Variants in PACRG observed in about 807,000 individuals in gnomAD.
PACRG encodes the protein parkin coregulated gene protein.
In PACRG, 29 loss-of-function variants were observed where a neutral mutation model predicts 29.7. That is an observed-to-expected ratio of 0.98 (90% confidence interval 0.73 to 1.33). PACRG has a LOEUF of 1.33. Ranked by LOEUF, PACRG falls within the 40% of genes most tolerant of loss-of-function variation. The pLI is 0.00. For missense variants in PACRG, 279 were observed against 316.2 expected, an observed-to-expected ratio of 0.88 and a Z score of 0.89; for synonymous variants, 116 against 118.7, an observed-to-expected ratio of 0.98 and a Z score of 0.15.
At chr6:163,114,978 C>T (rs1302942297) in intron 4 of PACRG, among the ~76,000 whole-genome samples, 1 of 151,874 alleles carries the variant, frequency 6.6e-6, no homozygotes, top group African/African-American at 2.4e-5. Context: ...TAAGTATATA[C>T]AATTTTTATT....
chr6:163,202,137 G>C (rs6922278), intron 4 of PACRG, among the ~76,000 whole-genome samples: 64,204 of 152,014 alleles, frequency 0.42, 15,590 homozygotes, highest in African/African-American at 0.67. Context: ...GTCCTGTCCC[G>C]GCCGGCTGCT....
intron 1 of PACRG, among the ~76,000 whole-genome samples, chr6:162,779,627 G>A (rs932325097): frequency 3.3e-5 from 5 of 152,162 alleles, no homozygotes; most frequent in Non-Finnish European, 7.4e-5. Flanking sequence ...ATGAGTCTTG[G>A]AGCTTGGAGG....
At chr6:163,228,909 C>T (rs1781913395) in intron 4 of PACRG, among the ~76,000 whole-genome samples, 1 of 152,266 alleles carries the variant, frequency 6.6e-6, no homozygotes, top group East Asian at 1.9e-4. Context: ...TGAAAATAAT[C>T]TTTCCAAATG....
At chr6:163,105,764 G>C (rs1445145316) in intron 4 of PACRG, among the ~76,000 whole-genome samples, 1 of 152,098 alleles carries the variant, frequency 6.6e-6, no homozygotes, top group African/African-American at 2.4e-5. Flanking sequence ...TGTGACTTTA[G>C]TCAAATCAGT....
intron 1 of PACRG, among the ~76,000 whole-genome samples, chr6:162,809,658 G>T (rs1023804008): frequency 1.4e-4 from 21 of 152,110 alleles, no homozygotes; most frequent in African/African-American, 4.8e-4. Context: ...AAGAGAAATT[G>T]ATTTTTTGAG....
chr6:163,157,624 A>C (rs749127040), intron 4 of PACRG, among the ~76,000 whole-genome samples: 2 of 152,202 alleles, frequency 1.3e-5, no homozygotes, highest in African/African-American at 2.4e-5. Flanking sequence ...GCTTGCTCTC[A>C]CACTAATATA....
chr6:163,265,464 G>C (rs1783496828), intron 4 of PACRG, among the ~76,000 whole-genome samples: 1 of 152,164 alleles, frequency 6.6e-6, no homozygotes, highest in African/African-American at 2.4e-5. Context: ...GGTAAATACA[G>C]TCTTCAAGCA....
intron 2 of PACRG, among the ~76,000 whole-genome samples, chr6:163,046,975 A>G (rs755408566): frequency 6.6e-5 from 10 of 152,242 alleles, no homozygotes; most frequent in African/African-American, 1.2e-4. Flanking sequence ...ATTTCTTCTT[A>G]AAATTGCCTC....
chr6:163,177,710 ATT>A lies in PACRG; in HGVS notation c.613+88328_613+88329del, dbSNP rs398003265. Among the ~76,000 whole-genome samples, 270 of 53,732 alleles carry A rather than the reference ATT, an allele frequency of 5.0e-3. 3 individuals carry two copies. Among genetic ancestry groups the A allele is most frequent in the South Asian group, 8.4e-3 (7 of 834 alleles). 35.3% of individuals were successfully genotyped at this position (53,732 alleles called of 152,430 possible). On this transcript the variant is annotated intron_variant, in intron 4 of 4. Transcript: ENST00000366888. Reference sequence around the variant, plus strand: ...TGTTAGCTAAGAAATTAGAAAAGGGATTTTTTTTTTTTTTTTTTTTTTTTTTT... The same window carrying A: ...TGTTAGCTAAGAAATTAGAAAAGGGATTTTTTTTTTTTTTTTTTTTTTTTT...
intron 4 of PACRG, among the ~76,000 whole-genome samples, chr6:163,139,639 G>T (rs573715457): frequency 1.2e-3 from 179 of 152,242 alleles, no homozygotes; most frequent in African/African-American, 4.2e-3. Context: ...TATACCAAAA[G>T]TTCAGCATCT....
At chr6:162,997,728 G>A (rs917102683) in intron 2 of PACRG, among the ~76,000 whole-genome samples, 15 of 152,240 alleles carry the variant, frequency 9.9e-5, no homozygotes, top group African/African-American at 3.4e-4. Flanking sequence ...CCTCCTGCTA[G>A]CCAATACTTG....
At chr6:162,950,519 A>T (rs71551186) in intron 2 of PACRG, among the ~76,000 whole-genome samples, 1 of 21,936 alleles carries the variant, frequency 4.6e-5, no homozygotes, top group African/African-American at 6.3e-5. Flanking sequence ...ATAAATAAAT[A>T]AATAAATTAA....
chr6:163,177,338 A>C (rs1475106805), intron 4 of PACRG, among the ~76,000 whole-genome samples: 1 of 152,180 alleles, frequency 6.6e-6, no homozygotes, highest in Non-Finnish European at 1.5e-5. Context: ...GTTTTCGAGC[A>C]TGTCCATTTG....
At chr6:163,258,770 AT>A (rs1438104878) in intron 4 of PACRG, among the ~76,000 whole-genome samples, 1 of 151,602 alleles carries the variant, frequency 6.6e-6, no homozygotes, top group Non-Finnish European at 1.5e-5. Context: ...AAAAAAAAAA[AT>A]CAATAGTCTC....
At chr6:163,220,900 A>G (rs1004500110) in intron 4 of PACRG, among the ~76,000 whole-genome samples, 9 of 152,266 alleles carry the variant, frequency 5.9e-5, no homozygotes, top group Admixed American at 5.9e-4. Flanking sequence ...TGTCCCTGTC[A>G]TTTGGGAAAG....
At chr6:163,073,417 A>G (rs1007083262) in intron 3 of PACRG, among the ~76,000 whole-genome samples, 1 of 152,198 alleles carries the variant, frequency 6.6e-6, no homozygotes, top group Admixed American at 6.5e-5. Flanking sequence ...CTCTCACCAT[A>G]TACAAAAATC....
chr6:163,284,549 A>G, intron 4 of PACRG, among the ~76,000 whole-genome samples: 1 of 152,334 alleles, frequency 6.6e-6, no homozygotes, highest in Non-Finnish European at 1.5e-5. Context: ...ATTTTATTTT[A>G]GATATTTTTA....
chr6:163,178,299 C>T (rs1779483706), intron 4 of PACRG, among the ~76,000 whole-genome samples: 1 of 152,206 alleles, frequency 6.6e-6, no homozygotes, highest in Non-Finnish European at 1.5e-5. Context: ...CAGCCACCCT[C>T]ACAGCTCGGC....
At chr6:163,238,627 A>C (rs925349260) in intron 4 of PACRG, among the ~76,000 whole-genome samples, 1 of 152,252 alleles carries the variant, frequency 6.6e-6, no homozygotes, top group African/African-American at 2.4e-5. Flanking sequence ...CATTTTAGCC[A>C]GTTGACTGCT....
Sources: allele counts gnomAD v4.1 joint callset (sites outside exome capture counted in the v4.1 genomes callset), GRCh38; gene constraint gnomAD v4.1.1; transcripts MANE v1.5; gene names NCBI Gene and HGNC (gene_info 2026-07-23, HGNC 2026-07-21).